Variants in CSTB observed in about 807,000 individuals in gnomAD.
CSTB encodes the protein cystatin B.
CSTB carries 8 observed loss-of-function variants against 7.6 expected under a neutral mutation model. The ratio of observed to expected loss-of-function variants is 1.05; its 90% CI spans 0.62 to 1.89. CSTB has a LOEUF of 1.89. Ranked by LOEUF, CSTB falls within the 40% of genes most tolerant of loss-of-function variation. CSTB has a pLI of 0.00. For missense variants in CSTB, 124 were observed against 126.4 expected (o/e 0.98, Z 0.09); for synonymous variants, 56 against 55.3 (o/e 1.01, Z -0.06).
rs972303724 is a variant in CSTB at position 43,776,109 on chromosome 21, G to C, written c.66+95C>G. On this transcript the variant is annotated intron_variant, in intron 1 of 2. Coordinates refer to ENST00000291568, the MANE Select transcript of CSTB (RefSeq NM_000100.4). Reference sequence around the variant, plus strand: ...CCGGGCCAGCCCAGGGGTGCGCAGCGGGGCCAAAGCGGCTTCTTTCGCTCC... The same window carrying C: ...CCGGGCCAGCCCAGGGGTGCGCAGCCGGGCCAAAGCGGCTTCTTTCGCTCC... 1.9e-5 allele frequency: 22 copies of C among 1,184,862 alleles called. No homozygotes were observed. In the Admixed American group the frequency reaches 1.9e-4, roughly 10 times the overall value. 73.4% of individuals were successfully genotyped at this position (1,184,862 alleles called of 1,614,324 possible).
At chr21:43,774,597 G>T in intron 2 of CSTB, 61 bp downstream of exon 2, 1 of 1,447,490 alleles carries the variant, frequency 6.9e-7, no homozygotes, top group Non-Finnish European at 9.7e-7. Context: ...GCCCGGGCCT[G>T]CACAGGCGGT....
At chr21:43,774,978 C>T (rs1288817244) in intron 1 of CSTB, 7 of 590,356 alleles carry the variant, frequency 1.2e-5, no homozygotes, top group Middle Eastern at 4.5e-4. Flanking sequence ...AATCCCAGAA[C>T]TTTGGGAGGC....
chr21:43,774,471 T>C (rs2084000426), intron 2 of CSTB, 141 bp from the exon 3 acceptor site: 4 of 1,385,590 alleles, frequency 2.9e-6, no homozygotes, highest in Non-Finnish European at 4.1e-6. Context: ...ACTTGTTTCC[T>C]TGGGGTTCTT....
In CSTB at chr21:43,776,292, TGGCGAGGGGACTC is replaced by T. The variant is rs577227536; in HGVS notation, c.-36_-24del. ...CATCTTGGCGGCGACGGAGGGAATC[TGGCGAGGGGACTC>T]GGCGAGGGGACGCGGCGGCTCCTCA... On this transcript the variant is annotated 5_prime_UTR_variant, in exon 1 of 3. Coordinates refer to ENST00000291568, the MANE Select transcript of CSTB (RefSeq NM_000100.4). The T allele has an allele frequency of 9.8e-4, 1,490 of 1,525,786 alleles. 3 individuals are homozygous for T. Among genetic ancestry groups the T allele is most frequent in the Non-Finnish European group, 1.1e-3 (1,306 of 1,138,302 alleles). The allele number at this position is 1,525,786 out of a possible 1,614,324, so 94.5% of individuals were successfully genotyped here. A position where few individuals can be genotyped will look rare whatever the true frequency, so the allele number is the denominator to read the frequency against.
Position 43,774,326 on chromosome 21 carries a change from T to G in CSTB, c.173A>C (p.His58Pro). The G allele has an allele frequency of 6.2e-7, 1 of 1,614,192 alleles. No homozygotes were observed. Among genetic ancestry groups the G allele is most frequent in the African/African-American group, 1.3e-5 (1 of 75,072 alleles). The change falls in exon 3 of 3, where the codon CAC (histidine) becomes CCC (proline). Residue 58 changes from histidine to proline, a missense_variant. By Grantham distance (77) the His-to-Pro change is moderately conservative. Coordinates refer to ENST00000291568, the MANE Select transcript of CSTB (RefSeq NM_000100.4). Reference sequence around the variant, plus strand: ...GTGTACGAAGTCCTCGTCGCCGACGTGCACCTGGGAAGAGAGCGGAGTGAG... The same window carrying G: ...GTGTACGAAGTCCTCGTCGCCGACGGGCACCTGGGAAGAGAGCGGAGTGAG... ...VAGTNYFIKV[H>P]VGDEDFVHLR...
In CSTB at chr21:43,774,712, A is replaced by G; in HGVS notation, c.114T>C (p.Phe38=). The G allele has an allele frequency of 6.2e-7, 1 of 1,614,202 alleles. No homozygotes were observed. Among genetic ancestry groups the G allele is most frequent in the Non-Finnish European group, 8.5e-7 (1 of 1,180,022 alleles). ...CCTGGCTCTTGAATGACACGGCCTT[A>G]AACACAGGGAACTTCTTGTTTTCTT... ...EEKENKKFPV[F]KAVSFKSQVV... Residue 38 remains phenylalanine, a synonymous_variant, in exon 2 of 3, where the codon TTT becomes TTC. Transcript: ENST00000291568.
In CSTB at chr21:43,774,741, C is replaced by T. The variant is rs1358304104; in HGVS notation, c.85G>A (p.Glu29Lys). The part of the protein sequence containing the change: ...IADQVRSQLE[E>K]KENKKFPVFK... ...ACAGGGAACTTCTTGTTTTCTTTCT[C>T]TTCAAGCTGGGACCTCACCTAGACA... The change falls in exon 2 of 3, where the codon GAG becomes AAG. Residue 29 changes from glutamate to lysine, a missense_variant. Glu to Lys is a moderately conservative substitution (Grantham distance 56). Transcript: ENST00000291568. 3 of 1,614,020 alleles carry T rather than the reference C, an allele frequency of 1.9e-6. No individual in the cohort carries two copies. The highest frequency in any genetic ancestry group is 3.3e-5 in the Admixed American group (2 of 60,000).
At position 43,776,216 on chromosome 21, in the gene CSTB, G is replaced by A. The variant is rs557717323; in HGVS notation, c.54C>T (p.His18=). The A allele has an allele frequency of 1.1e-4, 166 of 1,533,076 alleles. No individual in the cohort carries two copies. The African/African-American group carries it at 2.0e-3, about 19-fold the overall frequency. The allele number at this position is 1,533,076 out of a possible 1,614,324, so 95.0% of individuals were successfully genotyped here. ...GCGGCCCACCCACCTGGTCGGCGAT[G>A]TGCTGGGTCTCGGCGGTGGCCGGCT... The part of the protein sequence containing the change: ...ATQPATAETQ[H]IADQVRSQLE... The change falls in exon 1 of 3, where the codon CAC becomes CAT. Residue 18 remains histidine, a synonymous_variant. Coordinates refer to ENST00000291568, the MANE Select transcript of CSTB (RefSeq NM_000100.4).
chr21:43,774,767 G>A lies in CSTB; in HGVS notation c.67-8C>T, dbSNP rs6382. ...TTCAAGCTGGGACCTCACCTAGACA[G>A]AAGGGACAGAATGAGGATGTCTCAG... On this transcript the variant is annotated splice_polypyrimidine_tract_variant and splice_region_variant and intron_variant, in intron 1 of 2. Coordinates refer to ENST00000291568, the MANE Select transcript of CSTB (RefSeq NM_000100.4). 1 of 1,606,992 alleles carries A rather than the reference G, an allele frequency of 6.2e-7. No homozygotes were observed. Among genetic ancestry groups the A allele is most frequent in the East Asian group, 2.2e-5 (1 of 44,850 alleles).
intron 1 of CSTB, 90 bp from the exon 2 acceptor site, chr21:43,774,849 G>A (rs2084002699): frequency 1.1e-5 from 10 of 881,216 alleles, no homozygotes; most frequent in African/African-American, 1.6e-5. Context: ...GCACACACAC[G>A]ATTCTGACAC....
intron 1 of CSTB, chr21:43,775,137 C>T (rs990410866): frequency 1.8e-5 from 6 of 340,518 alleles, no homozygotes; most frequent in Non-Finnish European, 3.4e-5. Context: ...GCAGGAGAAT[C>T]CCTTGAACCT....
intron 2 of CSTB, 21 bp from the exon 3 acceptor site, chr21:43,774,351 G>C (rs2083999894): frequency 1.9e-6 from 3 of 1,614,094 alleles, no homozygotes; most frequent in South Asian, 1.1e-5. Context: ...AGCGGAGTGA[G>C]CGAAGCCTCT....
Position 43,774,262 on chromosome 21 carries a change from G to A in CSTB, c.237C>T (p.Pro79=). ...VFQSLPHENK[P]LTLSNYQTNK... ...TGGTCTGGTAGTTAGATAAGGTCAA[G>A]GGCTTGTTTTCATGAGGGAGAGATT... Residue 79 remains proline, a synonymous_variant, in exon 3 of 3, where the codon CCC becomes CCT. Transcript: ENST00000291568. The A allele has an allele frequency of 6.2e-7, 1 of 1,614,198 alleles. No individual in the cohort carries two copies. The highest frequency in any genetic ancestry group is 8.5e-7 in the Non-Finnish European group (1 of 1,180,032).
Position 43,776,278 on chromosome 21 carries a change from C to T in CSTB, c.-9G>A. 1.3e-6 allele frequency: 2 copies of T among 1,528,086 alleles called. No homozygotes were observed. Among genetic ancestry groups the T allele is most frequent in the Non-Finnish European group, 8.8e-7 (1 of 1,139,714 alleles). 94.7% of individuals were successfully genotyped at this position (1,528,086 alleles called of 1,614,324 possible). A position where few individuals can be genotyped will look rare whatever the true frequency, so the allele number is the denominator to read the frequency against. ...GGCGCCCCGCACATCATCTTGGCGGCGACGGAGGGAATCTGGCGAGGGGAC... is the reference window on the plus strand; with the variant it reads ...GGCGCCCCGCACATCATCTTGGCGGTGACGGAGGGAATCTGGCGAGGGGAC... On this transcript the variant is annotated 5_prime_UTR_variant, in exon 1 of 3. Coordinates refer to ENST00000291568, the MANE Select transcript of CSTB (RefSeq NM_000100.4).
At chr21:43,775,291 CACCA>C (rs1249366009) in intron 1 of CSTB, 1 of 204,648 alleles carries the variant, frequency 4.9e-6, no homozygotes, top group Non-Finnish European at 1.0e-5. Flanking sequence ...TCCCGTCGGT[CACCA>C]ACCATGACAG....
rs764309689 is a variant in CSTB, at chr21:43,774,335, G to C, written c.169-5C>G. 10 of 1,614,182 alleles carry C rather than the reference G, an allele frequency of 6.2e-6. No individual in the cohort carries two copies. Among genetic ancestry groups the C allele is most frequent in the South Asian group, 5.5e-5 (5 of 91,088 alleles). On this transcript the variant is annotated splice_region_variant and splice_polypyrimidine_tract_variant and intron_variant, in intron 2 of 2. Transcript: ENST00000291568. ...GTCCTCGTCGCCGACGTGCACCTGG[G>C]AAGAGAGCGGAGTGAGCGAAGCCTC...
chr21:43,774,341 A>G lies in CSTB; in HGVS notation c.169-11T>C. On this transcript the variant is annotated splice_polypyrimidine_tract_variant and intron_variant, in intron 2 of 2. Transcript: ENST00000291568. Reference sequence around the variant, plus strand: ...GTCGCCGACGTGCACCTGGGAAGAGAGCGGAGTGAGCGAAGCCTCTGATCC... The same window carrying G: ...GTCGCCGACGTGCACCTGGGAAGAGGGCGGAGTGAGCGAAGCCTCTGATCC... 1.9e-6 allele frequency: 3 copies of G among 1,614,112 alleles called. No individual in the cohort carries two copies. The highest frequency in any genetic ancestry group is 2.5e-6 in the Non-Finnish European group (3 of 1,180,030).
rs2083997901 is a variant in CSTB at position 43,774,033 on chromosome 21, A to G, written c.*169T>C. On this transcript the variant is annotated 3_prime_UTR_variant, in exon 3 of 3. Transcript: ENST00000291568. ...ATTGGGAAGGAAAGAAATCAACACA[A>G]TGAAATTTAGGAAGAGAAATGCAAA... 1.3e-6 allele frequency: 1 copy of G among 749,370 alleles called. No individual in the cohort carries two copies. Among genetic ancestry groups the G allele is most frequent in the South Asian group, 1.6e-5 (1 of 63,030 alleles). The allele number at this position is 749,370 out of a possible 1,614,324, so 46.4% of individuals were successfully genotyped here. A position where few individuals can be genotyped will look rare whatever the true frequency, so the allele number is the denominator to read the frequency against.
intron 2 of CSTB, 151 bp downstream of exon 2, chr21:43,774,507 T>C (rs1034386291): frequency 1.7e-6 from 2 of 1,180,410 alleles, no homozygotes; most frequent in Admixed American, 3.7e-5. Flanking sequence ...CTAGTCCTCC[T>C]GAAAGGCCGA....
Sources: allele counts gnomAD v4.1 joint callset, GRCh38; gene constraint gnomAD v4.1.1; transcripts MANE v1.5; gene names NCBI Gene and HGNC (gene_info 2026-07-23, HGNC 2026-07-21).